PTPN4: variants seen among roughly 807,000 people sequenced by gnomAD.
PTPN4 encodes the protein tyrosine-protein phosphatase non-receptor type 4.
A neutral mutation model predicts 135.5 loss-of-function variants in PTPN4; 49 were observed. The observed-to-expected ratio is 0.36, with a 90% confidence interval of 0.29 to 0.46. PTPN4 has a LOEUF of 0.46. PTPN4 is among the 20% of genes least tolerant of loss of function. The pLI is 1.00. For missense variants in PTPN4, 860 were observed against 1,101.0 expected (o/e 0.78, Z 3.10); for synonymous variants, 333 against 369.9 (o/e 0.90, Z 1.14).
chr2:119,952,062 T>C lies in PTPN4; in HGVS notation c.1746T>C (p.Val582=). ...TTGCAGAACACACTCATGATCAGGT[T>C]GTGCTGTTTATTAAAGCTAGTTGTG... The part of the protein sequence containing the change: ...RDIAEHTHDQ[V]VLFIKASCER... The change falls in exon 19 of 27, where the codon GTT becomes GTC. Residue 582 remains valine (V), a synonymous_variant. Coordinates refer to ENST00000263708, the MANE Select transcript of PTPN4 (RefSeq NM_002830.4). The C allele has an allele frequency of 3.1e-6, 5 of 1,613,534 alleles. No homozygotes were observed. In the Admixed American group the frequency reaches 8.3e-5, roughly 27 times the overall value.
In PTPN4 at chr2:119,964,958, C is replaced by T. The variant is rs146847516; in HGVS notation, c.2410-539C>T. ...TGCAGCAGATAAAGAGTTTAATGATCGCAGGGTACCGAGCAAGGAGATGGG... is the reference window on the plus strand; with the variant it reads ...TGCAGCAGATAAAGAGTTTAATGATTGCAGGGTACCGAGCAAGGAGATGGG... On this transcript the variant is annotated intron_variant, in intron 24 of 26. Transcript: ENST00000263708. 3.1e-3 allele frequency among the ~76,000 whole-genome samples: 478 copies of T among 152,190 alleles called. 1 individual carries two copies. The highest frequency in any genetic ancestry group is 0.011 in the African/African-American group (446 of 41,496).
At chr2:119,927,975 T>C (rs1678849852) in intron 13 of PTPN4, among the ~76,000 whole-genome samples, 1 of 152,174 alleles carries the variant, frequency 6.6e-6, no homozygotes, top group Non-Finnish European at 1.5e-5. Flanking sequence ...GTTTAAAAAC[T>C]CCAACAGTAT....
At chr2:119,826,500 T>C (rs1381004866) in intron 2 of PTPN4, among the ~76,000 whole-genome samples, 1 of 152,178 alleles carries the variant, frequency 6.6e-6, no homozygotes, top group Non-Finnish European at 1.5e-5. Flanking sequence ...CAAGGGACAT[T>C]TGGCAACGTC....
rs150948016 is a variant in PTPN4 at position 119,825,715 on chromosome 2, C to T, written c.138+15724C>T. ...TTCACCATGTTGGGCAGGTTGGTCT[C>T]GAACTCCTGACCTCAAGAGATCCAC... On this transcript the variant is annotated intron_variant, in intron 2 of 26. Coordinates refer to ENST00000263708, the MANE Select transcript of PTPN4 (RefSeq NM_002830.4). Among the ~76,000 whole-genome samples the T allele has an allele frequency of 1.4e-4, 21 of 152,038 alleles. No individual in the cohort carries two copies. The East Asian group carries it at 2.7e-3, about 20-fold the overall frequency.
chr2:119,831,143 A>T (rs1431747297), intron 2 of PTPN4, among the ~76,000 whole-genome samples: 1 of 152,102 alleles, frequency 6.6e-6, no homozygotes, highest in East Asian at 1.9e-4. Flanking sequence ...TGCAACCTAG[A>T]TCCCTTTCAT....
chr2:119,799,873 A>G (rs1204957174), intron 1 of PTPN4, among the ~76,000 whole-genome samples: 1 of 152,234 alleles, frequency 6.6e-6, no homozygotes, highest in Non-Finnish European at 1.5e-5. Flanking sequence ...GAAAAATACC[A>G]TATAGAAAAC....
At chr2:119,931,785 G>C (rs1439486017) in intron 13 of PTPN4, among the ~76,000 whole-genome samples, 1 of 151,764 alleles carries the variant, frequency 6.6e-6, no homozygotes, top group African/African-American at 2.4e-5. Context: ...TTTATCATTA[G>C]GATAGCTGAT....
At chr2:119,789,233 A>C (rs1325372781) in intron 1 of PTPN4, among the ~76,000 whole-genome samples, 2 of 152,070 alleles carry the variant, frequency 1.3e-5, no homozygotes, top group Admixed American at 1.3e-4. Flanking sequence ...TCTTCTTTGG[A>C]GAAATGCCTA....
intron 2 of PTPN4, among the ~76,000 whole-genome samples, chr2:119,816,395 A>C (rs1216658571): frequency 3.3e-5 from 5 of 152,106 alleles, no homozygotes; most frequent in Non-Finnish European, 7.4e-5. Context: ...CTGAAAAATA[A>C]ATCAAAAATC....
At chr2:119,843,505 C>T (rs915866177) in intron 2 of PTPN4, among the ~76,000 whole-genome samples, 2 of 125,278 alleles carry the variant, frequency 1.6e-5, no homozygotes, top group African/African-American at 6.4e-5. Context: ...AGCTGTTGGG[C>T]ACACCTCCCA....
At chr2:119,823,530 GC>G (rs1195449232) in intron 2 of PTPN4, among the ~76,000 whole-genome samples, 4 of 152,074 alleles carry the variant, frequency 2.6e-5, no homozygotes, top group Non-Finnish European at 5.9e-5. Context: ...ACCGTGCCCA[GC>G]CCATCTGTTT....
At position 119,979,485 on chromosome 2, in the gene PTPN4, G is replaced by A. The variant is rs922603432; in HGVS notation, c.*2415G>A. ...AACTACCCACTGTCGTCATTTTTAT[G>A]TGCAGAAAAGATCCTTTTTGAAAAC... On this transcript the variant is annotated 3_prime_UTR_variant, in exon 27 of 27. Coordinates refer to ENST00000263708, the MANE Select transcript of PTPN4 (RefSeq NM_002830.4). 2.0e-5 allele frequency: 3 copies of A among 152,036 alleles called. No individual in the cohort carries two copies. Among genetic ancestry groups the A allele is most frequent in the African/African-American group, 7.2e-5 (3 of 41,414 alleles). The allele number at this position is 152,036 out of a possible 1,614,324, so 9.4% of individuals were successfully genotyped here.
chr2:119,828,966 G>A (rs562744716), intron 2 of PTPN4, among the ~76,000 whole-genome samples: 23 of 152,332 alleles, frequency 1.5e-4, no homozygotes, highest in African/African-American at 5.3e-4. Context: ...TGAGGCACAT[G>A]ACTGTACTGA....
chr2:119,935,974 A>G (rs1254417581), intron 15 of PTPN4, among the ~76,000 whole-genome samples: 6 of 152,204 alleles, frequency 3.9e-5, no homozygotes, highest in African/African-American at 1.4e-4. Flanking sequence ...CCAAAGAAAG[A>G]CATATAAACG....
At chr2:119,810,847 T>C (rs2104948991) in intron 2 of PTPN4, among the ~76,000 whole-genome samples, 1 of 152,284 alleles carries the variant, frequency 6.6e-6, no homozygotes, top group East Asian at 1.9e-4. Context: ...TCCTGAACCT[T>C]TTGAAAGTAA....
intron 10 of PTPN4, among the ~76,000 whole-genome samples, chr2:119,910,334 A>G (rs1458550014): frequency 6.6e-6 from 1 of 152,136 alleles, no homozygotes; most frequent in African/African-American, 2.4e-5. Context: ...ATCCACTGAG[A>G]AACCAAAAAA....
intron 2 of PTPN4, among the ~76,000 whole-genome samples, chr2:119,846,922 C>T (rs1291159161): frequency 6.6e-6 from 1 of 151,244 alleles, no homozygotes; most frequent in Non-Finnish European, 1.5e-5. Context: ...CTTATATATA[C>T]ATATATTACA....
chr2:119,890,544 T>G (rs906061503), intron 9 of PTPN4, among the ~76,000 whole-genome samples: 1 of 152,188 alleles, frequency 6.6e-6, no homozygotes, highest in African/African-American at 2.4e-5. Context: ...TTTGTTCTTT[T>G]CATATTGTTA....
At chr2:119,950,358 T>C (rs1015139388) in intron 18 of PTPN4, among the ~76,000 whole-genome samples, 5 of 152,210 alleles carry the variant, frequency 3.3e-5, no homozygotes, top group Admixed American at 2.0e-4. Flanking sequence ...AAAAGCAACT[T>C]GAGAGAATGA....
Sources: gnomAD v4.1 joint callset for allele counts (sites outside exome capture counted in the v4.1 genomes callset) on GRCh38, gnomAD v4.1.1 for gene constraint, MANE v1.5 for transcripts, NCBI Gene and HGNC (gene_info 2026-07-23, HGNC 2026-07-21) for gene names.